Variants in CTDSPL2 observed in about 807,000 individuals in gnomAD.
CTDSPL2 encodes the protein CTD small phosphatase-like protein 2.
Under a neutral mutation model 60.0 loss-of-function variants are expected in CTDSPL2, and 5 were observed. That is an observed-to-expected ratio of 0.08 (90% CI 0.04 to 0.18). The LOEUF is 0.18. Ranked by LOEUF, CTDSPL2 falls within the 10% of genes least tolerant of loss-of-function variation. The probability of loss-of-function intolerance (pLI) is 1.00; values close to 1 mark genes in which losing one functional copy is unlikely to be tolerated. For missense variants in CTDSPL2, 370 were observed against 548.8 expected, an observed-to-expected ratio of 0.67 and a Z score of 3.26; for synonymous variants, 186 against 189.3, an observed-to-expected ratio of 0.98 and a Z score of 0.14.
chr15:44,511,867 C>CAAAAAAAAAAAA (rs68063380), intron 8 of CTDSPL2, among the ~76,000 whole-genome samples: 1 of 30,610 alleles, frequency 3.3e-5, no homozygotes, highest in Admixed American at 4.6e-4. Flanking sequence ...GACGGTCTCG[C>CAAAAAAAAAAAA]AAAAAAAAAA....
chr15:44,493,760 A>G (rs1291300339), intron 5 of CTDSPL2, among the ~76,000 whole-genome samples: 2 of 152,206 alleles, frequency 1.3e-5, no homozygotes, highest in Non-Finnish European at 2.9e-5. Context: ...TGTTCATGCC[A>G]CTGCACTCTA....
At chr15:44,452,578 A>AG (rs2080353806) in intron 1 of CTDSPL2, among the ~76,000 whole-genome samples, 1 of 152,174 alleles carries the variant, frequency 6.6e-6, no homozygotes, top group South Asian at 2.1e-4. Context: ...TCAGTGAGTC[A>AG]AAGAGTTTGG....
intron 1 of CTDSPL2, among the ~76,000 whole-genome samples, chr15:44,458,544 T>C (rs1393052130): frequency 6.6e-6 from 1 of 152,240 alleles, no homozygotes; most frequent in Non-Finnish European, 1.5e-5. Context: ...ACTTTTCCAC[T>C]ACCCAGTGAG....
intron 1 of CTDSPL2, among the ~76,000 whole-genome samples, chr15:44,453,915 A>C (rs1233302951): frequency 1.3e-5 from 2 of 152,234 alleles, no homozygotes; most frequent in East Asian, 3.9e-4. Flanking sequence ...TAGCAGCATG[A>C]TTTATAATCC....
At chr15:44,469,444 G>A (rs2080761362) in intron 2 of CTDSPL2, among the ~76,000 whole-genome samples, 1 of 151,784 alleles carries the variant, frequency 6.6e-6, no homozygotes, top group South Asian at 2.1e-4. Context: ...TTTTTCTAAT[G>A]TAGGTATTTA....
At chr15:44,509,134 A>G (rs1256178019) in intron 8 of CTDSPL2, among the ~76,000 whole-genome samples, 1 of 152,194 alleles carries the variant, frequency 6.6e-6, no homozygotes, top group Non-Finnish European at 1.5e-5. Context: ...ACTTTACCAC[A>G]TAATATGTAG....
intron 1 of CTDSPL2, among the ~76,000 whole-genome samples, chr15:44,444,072 A>G (rs573825438): frequency 5.6e-4 from 85 of 151,492 alleles, no homozygotes; most frequent in South Asian, 1.9e-3. Context: ...TGCCTGGCTA[A>G]TTTTTTTAGT....
rs554319789 is a variant in CTDSPL2 at position 44,462,700 on chromosome 15, C to CTTTTTTTTTTT, written c.186+3514_186+3524dup. 4.8e-5 allele frequency among the ~76,000 whole-genome samples: 4 copies of CTTTTTTTTTTT among 83,744 alleles called. 1 individual carries two copies. Among genetic ancestry groups the CTTTTTTTTTTT allele is most frequent in the African/African-American group, 1.2e-4 (2 of 17,052 alleles). The allele number at this position is 83,744 out of a possible 152,430, so 54.9% of individuals were successfully genotyped here. A position where few individuals can be genotyped will look rare whatever the true frequency, so the allele number is the denominator to read the frequency against. ...GACTCTTGAACTAGAACACTCAGGA[C>CTTTTTTTTTTT]TTTTTTTTTTTTTTTTTTTTTTTTG... is the stretch of plus-strand genomic sequence containing the variant. On this transcript the variant is annotated intron_variant, in intron 2 of 12. Transcript: ENST00000260327.
Position 44,484,091 on chromosome 15 carries a change from A to G in CTDSPL2, c.187-133A>G, listed in dbSNP as rs2270553. On this transcript the variant is annotated intron_variant, in intron 2 of 12. Transcript: ENST00000260327. ...TTTTTTCTGTGTTGATATTACCTATAATTGCATTTTGTTTTTCCTGGATAT... is the reference window on the plus strand; with the variant it reads ...TTTTTTCTGTGTTGATATTACCTATGATTGCATTTTGTTTTTCCTGGATAT... The G allele has an allele frequency of 6.6e-4, 493 of 744,368 alleles. 5 individuals carry two copies. In the East Asian group the frequency reaches 0.013, roughly 19 times the overall value. 46.1% of individuals were successfully genotyped at this position (744,368 alleles called of 1,614,324 possible). A position where few individuals can be genotyped will look rare whatever the true frequency, so the allele number is the denominator to read the frequency against.
At chr15:44,511,197 A>G (rs375486837) in intron 8 of CTDSPL2, among the ~76,000 whole-genome samples, 3 of 152,226 alleles carry the variant, frequency 2.0e-5, no homozygotes, top group African/African-American at 7.2e-5. Flanking sequence ...TTCCATTCTC[A>G]TAGTAAAGAA....
intron 8 of CTDSPL2, among the ~76,000 whole-genome samples, chr15:44,514,225 G>A (rs1161219138): frequency 1.3e-5 from 2 of 152,216 alleles, no homozygotes; most frequent in East Asian, 3.8e-4. Context: ...GTCAGCTAGA[G>A]GTGGACACAA....
intron 1 of CTDSPL2, among the ~76,000 whole-genome samples, chr15:44,446,172 C>A (rs1947668943): frequency 6.6e-6 from 1 of 152,026 alleles, no homozygotes; most frequent in African/African-American, 2.4e-5. Flanking sequence ...GATCCACCCA[C>A]CTCGACCTCC....
chr15:44,439,543 T>TG lies in CTDSPL2; in HGVS notation c.-25+11782dup, dbSNP rs760398511. On this transcript the variant is annotated intron_variant, in intron 1 of 12. Coordinates refer to ENST00000260327, the MANE Select transcript of CTDSPL2 (RefSeq NM_016396.3). ...AGTCTCTGTATTTTTATGTTTTTTT[T>TG]GGGGGGGGGGGAATATTTGCATTAT... 6.7e-3 allele frequency among the ~76,000 whole-genome samples: 943 copies of TG among 141,454 alleles called. 4 individuals carry two copies. The highest frequency in any genetic ancestry group is 0.014 in the South Asian group (56 of 4,088). The allele number at this position is 141,454 out of a possible 152,430, so 92.8% of individuals were successfully genotyped here. A position where few individuals can be genotyped will look rare whatever the true frequency, so the allele number is the denominator to read the frequency against.
At chr15:44,464,688 C>T (rs2080647553) in intron 2 of CTDSPL2, among the ~76,000 whole-genome samples, 1 of 152,046 alleles carries the variant, frequency 6.6e-6, no homozygotes, top group Admixed American at 6.6e-5. Context: ...CTTTAGGGGC[C>T]ACCTGAAGAA....
intron 5 of CTDSPL2, among the ~76,000 whole-genome samples, chr15:44,495,856 T>A (rs1180288862): frequency 6.6e-6 from 1 of 151,946 alleles, no homozygotes. Flanking sequence ...CGCTTGAACC[T>A]GTGGGGTGGA....
At position 44,525,419 on chromosome 15, in the gene CTDSPL2, C is replaced by G. The variant is rs991425707; in HGVS notation, c.*1245C>G. ...ATATTTTTATAGTGGCGTGTAATCT[C>G]CTTTTCGGGAGGCTTTTTATGGAAG... On this transcript the variant is annotated 3_prime_UTR_variant, in exon 13 of 13. Coordinates refer to ENST00000260327, the MANE Select transcript of CTDSPL2 (RefSeq NM_016396.3). 2.5e-6 allele frequency: 1 copy of G among 398,746 alleles called. No individual in the cohort carries two copies. Among genetic ancestry groups the G allele is most frequent in the Non-Finnish European group, 4.4e-6 (1 of 225,972 alleles). 24.7% of individuals were successfully genotyped at this position (398,746 alleles called of 1,614,324 possible). A position where few individuals can be genotyped will look rare whatever the true frequency, so the allele number is the denominator to read the frequency against.
chr15:44,450,589 A>ATTTTTTTT (rs36016079), intron 1 of CTDSPL2, among the ~76,000 whole-genome samples: 50 of 88,686 alleles, frequency 5.6e-4, no homozygotes, highest in African/African-American at 7.6e-4. Context: ...TATATTCTTA[A>ATTTTTTTT]TTTTTTTTTT....
At chr15:44,466,593 T>A (rs1482334153) in intron 2 of CTDSPL2, among the ~76,000 whole-genome samples, 1 of 152,138 alleles carries the variant, frequency 6.6e-6, no homozygotes, top group African/African-American at 2.4e-5. Flanking sequence ...TTCTACTACT[T>A]ATCTAGGCTA....
At chr15:44,451,305 T>G (rs1595709799) in intron 1 of CTDSPL2, among the ~76,000 whole-genome samples, 1 of 152,038 alleles carries the variant, frequency 6.6e-6, no homozygotes, top group African/African-American at 2.4e-5. Context: ...CTGGGGAGTC[T>G]CCCTGTGTTG....
Sources: gnomAD v4.1 joint callset for allele counts (sites outside exome capture counted in the v4.1 genomes callset) on GRCh38, gnomAD v4.1.1 for gene constraint, MANE v1.5 for transcripts, NCBI Gene and HGNC (gene_info 2026-07-23, HGNC 2026-07-21) for gene names.